The following DGKB variants were observed in gnomAD, a reference collection of about 807,000 sequenced individuals.
The protein encoded by DGKB is 90 kDa diacylglycerol kinase.
In DGKB, 67 loss-of-function variants were observed where a neutral mutation model predicts 114.3. The ratio of observed to expected loss-of-function variants is 0.59; its 90% confidence interval spans 0.48 to 0.72. DGKB has a LOEUF of 0.72. Ranked by LOEUF, DGKB falls within the 30% of genes least tolerant of loss-of-function variation. DGKB has a pLI of 0.00. For synonymous variants in DGKB, 398 were observed against 323.1 expected, an observed-to-expected ratio of 1.23 and a Z score of -2.49; for missense variants, 907 against 975.2, an observed-to-expected ratio of 0.93 and a Z score of 0.93.
chr7:14,324,728 G>A (rs1046866336), intron 23 of DGKB, among the ~76,000 whole-genome samples: 1 of 151,984 alleles, frequency 6.6e-6, no homozygotes, highest in Non-Finnish European at 1.5e-5. Flanking sequence ...AGCAGCATCA[G>A]CAATCACCAC....
intron 2 of DGKB, among the ~76,000 whole-genome samples, chr7:14,760,757 A>G (rs1054981637): frequency 1.3e-5 from 2 of 152,118 alleles, no homozygotes; most frequent in African/African-American, 2.4e-5. Flanking sequence ...ACAACTTTAG[A>G]GACACTGCTT....
intron 23 of DGKB, among the ~76,000 whole-genome samples, chr7:14,208,075 T>C (rs1043075739): frequency 6.6e-6 from 1 of 152,068 alleles, no homozygotes; most frequent in Non-Finnish European, 1.5e-5. Context: ...TCCAGATTGT[T>C]GCTCCTTAAG....
chr7:14,942,409 CATT>C (rs1363434653), intron 1 of DGKB, among the ~76,000 whole-genome samples: 1 of 151,908 alleles, frequency 6.6e-6, no homozygotes, highest in Non-Finnish European at 1.5e-5. Flanking sequence ...TGTTCATTTA[CATT>C]ATTACATTAT....
At chr7:14,758,890 TA>T (rs941785340) in intron 2 of DGKB, among the ~76,000 whole-genome samples, 2 of 116,352 alleles carry the variant, frequency 1.7e-5, no homozygotes, top group Non-Finnish European at 1.6e-5. Context: ...AAACAATAGA[TA>T]GATAGATAGA....
intron 9 of DGKB, 60 bp from the exon 10 acceptor site, chr7:14,685,422 G>A: frequency 7.9e-7 from 1 of 1,263,990 alleles, no homozygotes; most frequent in Non-Finnish European, 1.2e-6. Flanking sequence ...AAAGATGTAA[G>A]TGCCAATGAA....
At chr7:14,202,398 A>T (rs1786039673) in intron 23 of DGKB, among the ~76,000 whole-genome samples, 1 of 152,036 alleles carries the variant, frequency 6.6e-6, no homozygotes, top group African/African-American at 2.4e-5. Flanking sequence ...GGTATCTGTC[A>T]TTAATTACTA....
intron 21 of DGKB, among the ~76,000 whole-genome samples, chr7:14,412,626 A>T (rs1444798031): frequency 6.6e-6 from 1 of 152,144 alleles, no homozygotes; most frequent in Non-Finnish European, 1.5e-5. Context: ...ATCGTATAAG[A>T]AAAATGATCA....
At chr7:14,422,304 T>C (rs1826840192) in intron 21 of DGKB, among the ~76,000 whole-genome samples, 1 of 152,100 alleles carries the variant, frequency 6.6e-6, no homozygotes, top group Non-Finnish European at 1.5e-5. Context: ...AATACTTGTT[T>C]ATTTTTCTGA....
chr7:14,685,236 T>C lies in DGKB; in HGVS notation c.829+9A>G, dbSNP rs376597768. 4.4e-6 allele frequency: 7 copies of C among 1,590,806 alleles called. No individual in the cohort carries two copies. Among genetic ancestry groups the C allele is most frequent in the Admixed American group, 1.7e-5 (1 of 59,932 alleles). On this transcript the variant is annotated intron_variant, in intron 10 of 25. Coordinates refer to ENST00000402815, the MANE Select transcript of DGKB (RefSeq NM_001350709.2). ...GGAGATGATGTCCAGGCAGAGCAAA[T>C]GTACTCACAGGAACAGCAGAGGCCC... is the stretch of plus-strand genomic sequence containing the variant.
Position 14,391,534 on chromosome 7 carries a change from A to G in DGKB, c.1836-46143T>C, listed in dbSNP as rs571853923. 1.1e-4 allele frequency among the ~76,000 whole-genome samples: 16 copies of G among 151,696 alleles called. 1 individual carries two copies. Among genetic ancestry groups the G allele is most frequent in the Non-Finnish European group, 1.8e-4 (12 of 67,874 alleles). On this transcript the variant is annotated intron_variant, in intron 21 of 25. Coordinates refer to ENST00000402815, the MANE Select transcript of DGKB (RefSeq NM_001350709.2). ...AAGAAAAAAAAATAAAAAAAAAAAA[A>G]GGAAAAATTAGCCCGGTGTGGTGGC...
At chr7:14,690,201 T>A (rs1202022334) in intron 9 of DGKB, among the ~76,000 whole-genome samples, 1 of 152,260 alleles carries the variant, frequency 6.6e-6, no homozygotes, top group Non-Finnish European at 1.5e-5. Context: ...TTAATTATCT[T>A]GTTCATGCAG....
intron 20 of DGKB, among the ~76,000 whole-genome samples, chr7:14,570,554 T>C: frequency 6.6e-6 from 1 of 152,238 alleles, no homozygotes; most frequent in Non-Finnish European, 1.5e-5. Context: ...ATATATTTTG[T>C]ATGTTATGCA....
At chr7:14,214,067 C>A (rs188023398) in intron 23 of DGKB, among the ~76,000 whole-genome samples, 48 of 152,114 alleles carry the variant, frequency 3.2e-4, no homozygotes, top group African/African-American at 1.1e-3. Context: ...CTGATGCCAC[C>A]ATCCTAGTTC....
intron 2 of DGKB, among the ~76,000 whole-genome samples, chr7:14,825,107 T>A (rs550769402): frequency 6.9e-6 from 1 of 145,752 alleles, no homozygotes; most frequent in African/African-American, 2.5e-5. Context: ...TTATCAATAC[T>A]GTTGTTCTAT....
chr7:14,296,053 T>TC (rs398111081), intron 23 of DGKB, among the ~76,000 whole-genome samples: 1 of 151,448 alleles, frequency 6.6e-6, no homozygotes, highest in Non-Finnish European at 1.5e-5. Flanking sequence ...TTTTTTTTTT[T>TC]CAGACAAGAA....
chr7:14,210,396 GC>G (rs1341363199), intron 23 of DGKB, among the ~76,000 whole-genome samples: 1 of 152,114 alleles, frequency 6.6e-6, no homozygotes, highest in Non-Finnish European at 1.5e-5. Context: ...TGTGATGGCT[GC>G]TTTGTCCTTT....
At chr7:14,388,069 G>A (rs539265176) in intron 21 of DGKB, among the ~76,000 whole-genome samples, 2 of 151,048 alleles carry the variant, frequency 1.3e-5, no homozygotes, top group East Asian at 1.9e-4. Flanking sequence ...TAGTAGAGAC[G>A]GGTTTCACCT....
chr7:14,791,695 T>A (rs978723014), intron 2 of DGKB, among the ~76,000 whole-genome samples: 1 of 152,154 alleles, frequency 6.6e-6, no homozygotes, highest in Non-Finnish European at 1.5e-5. Flanking sequence ...ATGAAATTTT[T>A]ATTTTCATCC....
chr7:14,310,570 T>C (rs1476056820), intron 23 of DGKB, among the ~76,000 whole-genome samples: 2 of 152,072 alleles, frequency 1.3e-5, no homozygotes, highest in Non-Finnish European at 2.9e-5. Context: ...AATCAGGAGG[T>C]TAAGGCCAGG....
Sources: allele counts gnomAD v4.1 joint callset (sites outside exome capture counted in the v4.1 genomes callset), GRCh38; gene constraint gnomAD v4.1.1; transcripts MANE v1.5; gene names NCBI Gene and HGNC (gene_info 2026-07-23, HGNC 2026-07-21).